SLC35B3: variants seen among roughly 807,000 people sequenced by gnomAD.
SLC35B3 encodes the protein adenosine 3'-phospho 5'-phosphosulfate transporter 2.
A neutral mutation model predicts 44.1 loss-of-function variants in SLC35B3; 35 were observed. That is an observed-to-expected ratio of 0.79 (90% CI 0.61 to 1.05). The LOEUF (loss-of-function observed/expected upper bound fraction) is 1.05, where lower values mean the gene tolerates loss of function less well. Ranked by LOEUF, SLC35B3 falls within the 50% of genes least tolerant of loss-of-function variation. The pLI is 0.00. For synonymous variants in SLC35B3, 146 were observed against 167.3 expected, an observed-to-expected ratio of 0.87 and a Z score of 0.98; for missense variants, 414 against 476.4, an observed-to-expected ratio of 0.87 and a Z score of 1.22.
Position 8,422,515 on chromosome 6 carries a change from A to T in SLC35B3, c.529T>A (p.Cys177Ser). ...AGCATAACAGGAATCAATTTGCAGC[A>T]CTTGAAGATGACTTGGGTAGGGTAA... is the stretch of plus-strand genomic sequence containing the variant. Residue 177 changes from cysteine to serine, a missense_variant, in exon 5 of 11, where the codon TGC (cysteine) becomes AGC (serine). Coordinates refer to ENST00000644923, the MANE Select transcript of SLC35B3 (RefSeq NM_001370476.2). 1 of 1,613,744 alleles carries T rather than the reference A, an allele frequency of 6.2e-7. No homozygotes were observed.
Position 8,416,984 on chromosome 6 carries a change from C to A in SLC35B3, c.885G>T (p.Arg295=). Residue 295 remains arginine, a synonymous_variant, in exon 9 of 11, where the codon CGG becomes CGT. Transcript: ENST00000644923. ...AAAAAAGGAACGCATAACCATAGGTCCGAACTGGATTCTGCAAAAAATAAA... is the reference window on the plus strand; with the variant it reads ...AAAAAAGGAACGCATAACCATAGGTACGAACTGGATTCTGCAAAAAATAAA... 1 of 1,581,404 alleles carries A rather than the reference C, an allele frequency of 6.3e-7. No homozygotes were observed. The highest frequency in any genetic ancestry group is 1.2e-5 in the South Asian group (1 of 85,152).
chr6:8,423,078 C>T (rs1763076235), intron 4 of SLC35B3, among the ~76,000 whole-genome samples: 1 of 152,154 alleles, frequency 6.6e-6, no homozygotes, highest in Admixed American at 6.5e-5. Context: ...ACCTCTGCCT[C>T]ACGGGTTCAA....
At position 8,434,020 on chromosome 6, in the gene SLC35B3, T is replaced by A. The variant is rs947888783; in HGVS notation, c.3+365A>T. Among the ~76,000 whole-genome samples, 2 of 135,318 alleles carry A rather than the reference T, an allele frequency of 1.5e-5. No homozygotes were observed. Among genetic ancestry groups the A allele is most frequent in the Admixed American group, 1.5e-4 (2 of 13,094 alleles). The allele number at this position is 135,318 out of a possible 152,430, so 88.8% of individuals were successfully genotyped here. Reference sequence around the variant, plus strand: ...GCTTTGCTTTTGAAGCTCACAGTAATCAGTGAAACTAAAATATATATATAT... The same window carrying A: ...GCTTTGCTTTTGAAGCTCACAGTAAACAGTGAAACTAAAATATATATATAT... On this transcript the variant is annotated intron_variant, in intron 2 of 10. Coordinates refer to ENST00000644923, the MANE Select transcript of SLC35B3 (RefSeq NM_001370476.2). The surrounding 1 kb of genome is among the most constrained non-coding windows in gnomAD (Gnocchi z 6.3).
At chr6:8,422,913 T>G (rs1475024382) in intron 4 of SLC35B3, among the ~76,000 whole-genome samples, 4 of 86,526 alleles carry the variant, frequency 4.6e-5, no homozygotes, top group Admixed American at 1.0e-4. Context: ...AAAGGTTTTT[T>G]TTTTTTTTTT....
chr6:8,417,867 A>G (rs3799251), intron 7 of SLC35B3, among the ~76,000 whole-genome samples: 75,569 of 151,894 alleles, frequency 0.5, 19,697 homozygotes, highest in African/African-American at 0.67. Flanking sequence ...TTTCTAAAAT[A>G]CATTAAAATA....
intron 2 of SLC35B3, among the ~76,000 whole-genome samples, chr6:8,430,801 G>A (rs980786305): frequency 6.6e-6 from 1 of 152,120 alleles, no homozygotes; most frequent in Admixed American, 6.5e-5. Flanking sequence ...GGGAGGCTGA[G>A]GCAGGATGAT....
intron 9 of SLC35B3, among the ~76,000 whole-genome samples, chr6:8,415,215 T>G (rs1473676131): frequency 2.0e-5 from 3 of 152,186 alleles, no homozygotes; most frequent in Non-Finnish European, 4.4e-5. Flanking sequence ...AGTTAAATGT[T>G]AAAGTACAAC....
At chr6:8,414,489 T>G (rs1762235394) in intron 10 of SLC35B3, among the ~76,000 whole-genome samples, 1 of 152,174 alleles carries the variant, frequency 6.6e-6, no homozygotes, top group South Asian at 2.1e-4. Context: ...AGGCATCAAA[T>G]AAACTAGTAT....
At chr6:8,413,825 A>G in intron 10 of SLC35B3, 126 bp from the exon 10 acceptor site, 1 of 567,366 alleles carries the variant, frequency 1.8e-6, no homozygotes, top group South Asian at 2.8e-5. Flanking sequence ...GAAGCCTACA[A>G]TAATAGCATT....
At chr6:8,425,375 C>T (rs547363664) in intron 4 of SLC35B3, among the ~76,000 whole-genome samples, 1 of 152,114 alleles carries the variant, frequency 6.6e-6, no homozygotes, top group East Asian at 1.9e-4. Context: ...ATTTAATTAC[C>T]TATTCTATCA....
At position 8,413,632 on chromosome 6, in the gene SLC35B3, T is replaced by G. The variant is rs763425682; in HGVS notation, c.1123A>C (p.Lys375Gln). ...TCATACAGTGATGGTAGTCTTATTT[T>G]ATCCATATTTTTGCTGTAAACATTA... is the stretch of plus-strand genomic sequence containing the variant. The change falls in exon 11 of 11, where the codon AAA (lysine) becomes CAA (glutamine). Residue 375 changes from lysine (K) to glutamine (Q), a missense_variant. Lys to Gln is a moderately conservative substitution (Grantham distance 53, BLOSUM62 1). Transcript: ENST00000644923. 1.1e-5 allele frequency: 17 copies of G among 1,598,246 alleles called. No homozygotes were observed. Among genetic ancestry groups the G allele is most frequent in the Non-Finnish European group, 1.5e-5 (17 of 1,169,900 alleles).
chr6:8,433,018 T>A lies in SLC35B3; in HGVS notation c.3+1367A>T, dbSNP rs1016438230. Among the ~76,000 whole-genome samples, 9 of 152,332 alleles carry A rather than the reference T, an allele frequency of 5.9e-5. No individual in the cohort carries two copies. Among genetic ancestry groups the A allele is most frequent in the African/African-American group, 1.9e-4 (8 of 41,586 alleles). Reference sequence around the variant, plus strand: ...CTATATTCCCAATCTCACTTAACAGTACCTAGTATGAAACACAAGCTAAAA... The same window carrying A: ...CTATATTCCCAATCTCACTTAACAGAACCTAGTATGAAACACAAGCTAAAA... On this transcript the variant is annotated intron_variant, in intron 2 of 10. Coordinates refer to ENST00000644923, the MANE Select transcript of SLC35B3 (RefSeq NM_001370476.2). This position sits in a 1 kb window ranked among gnomAD's most constrained non-coding sequence, Gnocchi z 4.1.
rs1230972978 is a variant in SLC35B3 at position 8,427,805 on chromosome 6, TAA to T, written c.419+130_419+131del. 4.5e-5 allele frequency: 30 copies of T among 660,022 alleles called. No individual in the cohort carries two copies. The East Asian group carries it at 5.8e-4, about 13-fold the overall frequency. 40.9% of individuals were successfully genotyped at this position (660,022 alleles called of 1,614,324 possible). The stretch of plus-strand genomic sequence containing the variant: ...TAAATGAATAAAATGTATTTAGTAT[TAA>T]GTTAGTTACACTAAGAGTTCGTGCC... On this transcript the variant is annotated intron_variant, in intron 4 of 10. Transcript: ENST00000644923.
At chr6:8,422,718 T>C in intron 4 of SLC35B3, 94 bp from the exon 4 acceptor site, 2 of 959,944 alleles carry the variant, frequency 2.1e-6, no homozygotes, top group South Asian at 3.8e-5. Context: ...CTAATTACTT[T>C]TCTAATTTCT....
In SLC35B3 at chr6:8,434,461, C is replaced by CA. The variant is rs771513147; in HGVS notation, c.-43-32dup. Reference sequence around the variant, plus strand: ...GTGTACGATTATAAAACAGAAAAAACAAAGTTCCATCTCATTTCTTTGTAC... The same window carrying CA: ...GTGTACGATTATAAAACAGAAAAAACAAAAGTTCCATCTCATTTCTTTGTAC... On this transcript the variant is annotated intron_variant, in intron 1 of 10. Transcript: ENST00000644923. The surrounding 1 kb of genome is among the most constrained non-coding windows in gnomAD (Gnocchi z 6.3). The CA allele has an allele frequency of 6.3e-7, 1 of 1,595,328 alleles. No individual in the cohort carries two copies. The highest frequency in any genetic ancestry group is 8.6e-7 in the Non-Finnish European group (1 of 1,168,498).
intron 8 of SLC35B3, among the ~76,000 whole-genome samples, 172 bp from the exon 8 acceptor site, chr6:8,417,167 A>T (rs1390133692): frequency 1.3e-5 from 2 of 152,168 alleles, no homozygotes; most frequent in Non-Finnish European, 2.9e-5. Context: ...GAAATTAAAG[A>T]TCCTCAACTT....
intron 7 of SLC35B3, among the ~76,000 whole-genome samples, chr6:8,418,488 CACAT>C (rs1478405099): frequency 5.3e-5 from 8 of 150,496 alleles, no homozygotes; most frequent in African/African-American, 7.3e-5. Flanking sequence ...CACACACACA[CACAT>C]ACACACACAT....
Position 8,419,692 on chromosome 6 carries a change from T to TA in SLC35B3, c.683-16dup, listed in dbSNP as rs748132000. On this transcript the variant is annotated splice_polypyrimidine_tract_variant and intron_variant, in intron 6 of 10. Coordinates refer to ENST00000644923, the MANE Select transcript of SLC35B3 (RefSeq NM_001370476.2). The surrounding 1 kb of genome is among the most constrained non-coding windows in gnomAD (Gnocchi z 4.3). The stretch of plus-strand genomic sequence containing the variant: ...AAGCACCACACCTTCAAGAAGGTAT[T>TA]AAAAAAACAAACAAAAAAACCCTCC... 1.1e-5 allele frequency: 15 copies of TA among 1,399,190 alleles called. No individual in the cohort carries two copies. The highest frequency in any genetic ancestry group is 3.7e-4 in the Middle Eastern group (2 of 5,366). The allele number at this position is 1,399,190 out of a possible 1,614,324, so 86.7% of individuals were successfully genotyped here. A position where few individuals can be genotyped will look rare whatever the true frequency, so the allele number is the denominator to read the frequency against.
Position 8,419,795 on chromosome 6 carries a change from AC to A in SLC35B3, c.683-119del. The A allele has an allele frequency of 2.0e-6, 1 of 510,174 alleles. No individual in the cohort carries two copies. Among genetic ancestry groups the A allele is most frequent in the South Asian group, 3.9e-5 (1 of 25,864 alleles). 31.6% of individuals were successfully genotyped at this position (510,174 alleles called of 1,614,324 possible). On this transcript the variant is annotated intron_variant, in intron 6 of 10. Coordinates refer to ENST00000644923, the MANE Select transcript of SLC35B3 (RefSeq NM_001370476.2). This position sits in a 1 kb window ranked among gnomAD's most constrained non-coding sequence, Gnocchi z 4.3. ...AAAAAACAAAAGCAGATCTTCAACT[AC>A]ATTTGTTCGGTAATCCAGAATATTC...
Sources: gnomAD v4.1 joint callset for allele counts (sites outside exome capture counted in the v4.1 genomes callset) on GRCh38, gnomAD v4.1.1 for gene constraint, Gnocchi (gnomAD v3.1) non-coding constraint, MANE v1.5 for transcripts, NCBI Gene and HGNC (gene_info 2026-07-23, HGNC 2026-07-21) for gene names.